The following TLE3 variants were observed in gnomAD, a reference collection of about 807,000 sequenced individuals.
The protein encoded by TLE3 is transducin-like enhancer protein 3.
Under a neutral mutation model 93.0 loss-of-function variants are expected in TLE3, and 14 were observed. That is an observed-to-expected ratio of 0.15 (90% CI 0.10 to 0.24). The LOEUF (loss-of-function observed/expected upper bound fraction) is 0.24, where lower values mean the gene tolerates loss of function less well. TLE3 is among the 10% of genes least tolerant of loss of function. The pLI is 1.00. For missense variants in TLE3, 693 were observed against 1,046.6 expected, an observed-to-expected ratio of 0.66 and a Z score of 4.66; for synonymous variants, 451 against 425.0, an observed-to-expected ratio of 1.06 and a Z score of -0.75.
chr15:70,087,887 C>T (rs1033405366), intron 4 of TLE3, among the ~76,000 whole-genome samples: 2 of 152,336 alleles, frequency 1.3e-5, no homozygotes, highest in Admixed American at 6.5e-5. Context: ...TAAAATCTGC[C>T]GGGTGGACTA....
At chr15:70,060,089 C>T (rs930648374) in intron 9 of TLE3, among the ~76,000 whole-genome samples, 4 of 152,204 alleles carry the variant, frequency 2.6e-5, no homozygotes, top group Admixed American at 6.5e-5. Context: ...TCTCACGTGC[C>T]GGGGGCATCC....
At chr15:70,054,397 T>A (rs1408075180) in intron 16 of TLE3, 41 bp downstream of exon 16, 2 of 1,584,310 alleles carry the variant, frequency 1.3e-6, no homozygotes, top group East Asian at 2.2e-5. Context: ...GGTAAAAACT[T>A]CCCCAGGACG....
Position 70,055,225 on chromosome 15 carries a change from G to T in TLE3, c.1402C>A (p.Pro468Thr), listed in dbSNP as rs748831377. ...VPFPHDALAG[P>T]GIPRHARQIN... is the part of the protein sequence containing the mutation. ...TGCCGGGCGTGCCTCGGGATGCCGG[G>T]GCCTGCCAGGGCGTCGTGGGGGAAG... The change falls in exon 15 of 20, where the codon CCC becomes ACC. Residue 468 changes from proline to threonine, a missense_variant. Around this residue, in one of 4 missense-constraint regions of TLE3, gnomAD observed 405 missense variants for 468.9 expected, o/e 0.86. Coordinates refer to ENST00000451782, the MANE Select transcript of TLE3 (RefSeq NM_001105192.3). 6 of 1,613,054 alleles carry T rather than the reference G, an allele frequency of 3.7e-6. No individual in the cohort carries two copies. Among genetic ancestry groups the T allele is most frequent in the Non-Finnish European group, 5.1e-6 (6 of 1,179,622 alleles).
chr15:70,079,384 G>A (rs889684855), intron 4 of TLE3: 9 of 486,462 alleles, frequency 1.9e-5, no homozygotes, highest in Admixed American at 7.4e-5. Flanking sequence ...GCAGAGGGGA[G>A]GGGCTGGGCT....
At chr15:70,055,440 T>G in intron 14 of TLE3, 142 bp from the exon 15 acceptor site, 1 of 1,213,872 alleles carries the variant, frequency 8.2e-7, no homozygotes, top group Non-Finnish European at 1.1e-6. Flanking sequence ...TCGAACCCAG[T>G]AACCCCATGT....
At chr15:70,057,347 C>T (rs2056137085) in intron 13 of TLE3, 112 bp downstream of exon 13, 5 of 1,257,190 alleles carry the variant, frequency 4.0e-6, no homozygotes, top group Non-Finnish European at 4.4e-6. Context: ...GGGGCAGCTG[C>T]CTGGCCTTGA....
At chr15:70,065,745 G>A (rs1172624226) in intron 7 of TLE3, among the ~76,000 whole-genome samples, 2 of 152,248 alleles carry the variant, frequency 1.3e-5, no homozygotes, top group African/African-American at 4.8e-5. Flanking sequence ...GACAGGCAAG[G>A]GTGTTGTAGG....
Position 70,097,862 on chromosome 15 carries a change from C to T in TLE3, c.-1064G>A. 3.1e-6 allele frequency: 1 copy of T among 326,296 alleles called. No individual in the cohort carries two copies. The highest frequency in any genetic ancestry group is 5.5e-6 in the Non-Finnish European group (1 of 180,494). The allele number at this position is 326,296 out of a possible 1,614,324, so 20.2% of individuals were successfully genotyped here. ...CCTACGGATACCACACACAGACAGG[C>T]GAAGGGGACGAGCACGAGGTCTGAA... On this transcript the variant is annotated 5_prime_UTR_variant, in exon 1 of 20. Transcript: ENST00000451782.
At position 70,058,107 on chromosome 15, in the gene TLE3, A is replaced by AC. The variant is rs1447663925; in HGVS notation, c.1051+51dup. The stretch of plus-strand genomic sequence containing the variant: ...TCACCCCTGCCCTGGCCAAGAGCAG[A>AC]CCCCCTCCCCCCAATCAGATTAACC... On this transcript the variant is annotated intron_variant, in intron 12 of 19. Coordinates refer to ENST00000451782, the MANE Select transcript of TLE3 (RefSeq NM_001105192.3). The surrounding 1 kb of genome is among the most constrained non-coding windows in gnomAD (Gnocchi z 4.1). 1 of 1,611,972 alleles carries AC rather than the reference A, an allele frequency of 6.2e-7. No homozygotes were observed. The highest frequency in any genetic ancestry group is 1.7e-5 in the Admixed American group (1 of 59,766).
chr15:70,096,846 G>C lies in TLE3; in HGVS notation c.-48C>G, dbSNP rs369221657. The C allele has an allele frequency of 2.4e-4, 386 of 1,603,158 alleles. 1 individual carries two copies. The African/African-American group carries it at 4.5e-3, about 19-fold the overall frequency. On this transcript the variant is annotated 5_prime_UTR_variant, in exon 1 of 20. Transcript: ENST00000451782. ...GAGAGCGTGGAAGCGCCGAGAGCCC[G>C]GGCCGGGGAGGTGCGGGGGAGGGGG... is the stretch of plus-strand genomic sequence containing the variant.
At chr15:70,096,630 C>A in intron 1 of TLE3, 145 bp downstream of exon 1, 1 of 1,546,796 alleles carries the variant, frequency 6.5e-7, no homozygotes, top group Non-Finnish European at 8.7e-7. Flanking sequence ...CGGCGCCCCC[C>A]GGCCGCATCC....
intron 4 of TLE3, among the ~76,000 whole-genome samples, chr15:70,080,417 T>C (rs2057714449): frequency 6.6e-6 from 1 of 152,166 alleles, no homozygotes; most frequent in African/African-American, 2.4e-5. Context: ...TGGAAAAACA[T>C]TGTTCCTCAG....
At chr15:70,095,413 T>C in intron 3 of TLE3, 165 bp downstream of exon 3, 1 of 1,487,330 alleles carries the variant, frequency 6.7e-7, no homozygotes, top group Non-Finnish European at 8.9e-7. Flanking sequence ...GCCCCGGCAA[T>C]GGAAGCTGGG....
rs1321193047 is a variant in TLE3 at position 70,058,164 on chromosome 15, G to A, written c.1046C>T (p.Pro349Leu). Residue 349 changes from proline (P) to leucine (L), a missense_variant, in exon 12 of 20, where the codon CCG becomes CTG. Pro to Leu is a moderately conservative substitution (Grantham distance 98, BLOSUM62 -3). This residue lies in a region of TLE3 where 405 missense variants were observed against 468.9 expected (regional missense o/e 0.86). Transcript: ENST00000451782. This position sits in a 1 kb window ranked among gnomAD's most constrained non-coding sequence, Gnocchi z 4.1. ...ATGGTGCCTACCCATTATACCTATC[G>A]GGTCCATGCCCGGAGGTTTACCCGG... ...SMPGKPPGMD[P>L]IASALRTPIS... 1.9e-6 allele frequency: 3 copies of A among 1,613,920 alleles called. No homozygotes were observed. The highest frequency in any genetic ancestry group is 1.7e-6 in the Non-Finnish European group (2 of 1,179,868).
In TLE3 at chr15:70,054,703, AG is replaced by A; in HGVS notation, c.1579-19del. ...TCCCTGTTCTGGAGGGAGAAGGGGC[AG>A]GGCTGAGTGCTGCCTACTTCCCCTC... On this transcript the variant is annotated intron_variant, in intron 15 of 19. Coordinates refer to ENST00000451782, the MANE Select transcript of TLE3 (RefSeq NM_001105192.3). 6.4e-7 allele frequency: 1 copy of A among 1,560,742 alleles called. No homozygotes were observed. Among genetic ancestry groups the A allele is most frequent in the Non-Finnish European group, 8.7e-7 (1 of 1,149,878 alleles).
chr15:70,071,791 C>T (rs1468760905), intron 6 of TLE3, among the ~76,000 whole-genome samples: 3 of 152,100 alleles, frequency 2.0e-5, no homozygotes, highest in Non-Finnish European at 4.4e-5. Flanking sequence ...TTGGGACCCT[C>T]TCTCTCCTGC....
chr15:70,056,208 CAG>C, intron 14 of TLE3, 88 bp downstream of exon 14: 2 of 1,387,592 alleles, frequency 1.4e-6, no homozygotes, highest in South Asian at 2.3e-5. Flanking sequence ...AACCCTTGGT[CAG>C]GGGATGAGGG....
rs1039573091 is a variant in TLE3, at chr15:70,054,354, C to A, written c.1826+84G>T. 18 of 1,544,700 alleles carry A rather than the reference C, an allele frequency of 1.2e-5. No homozygotes were observed. In the Admixed American group the frequency reaches 2.9e-4, roughly 25 times the overall value. On this transcript the variant is annotated intron_variant, in intron 16 of 19. Coordinates refer to ENST00000451782, the MANE Select transcript of TLE3 (RefSeq NM_001105192.3). The stretch of plus-strand genomic sequence containing the variant: ...CCACCCCACAGTGCCTCAGACAGGG[C>A]CAAGGTCACAGCAAACAAGACCAGG...
intron 3 of TLE3, chr15:70,094,898 C>T: frequency 3.5e-6 from 1 of 283,006 alleles, no homozygotes. Context: ...CTGGGACCCT[C>T]TTGTCCTCTG....
Sources: allele counts gnomAD v4.1 joint callset (sites outside exome capture counted in the v4.1 genomes callset), GRCh38; gene constraint gnomAD v4.1.1; regional missense constraint gnomAD v4.1.1; non-coding constraint Gnocchi (gnomAD v3.1); transcripts MANE v1.5; gene names NCBI Gene and HGNC (gene_info 2026-07-23, HGNC 2026-07-21).